Variants in LRRC3C observed in about 807,000 individuals in gnomAD.
LRRC3C encodes leucine-rich repeat-containing protein 3C.
Under a neutral mutation model 14.8 loss-of-function variants are expected in LRRC3C, and 11 were observed. That is an observed-to-expected ratio of 0.74 (90% CI 0.47 to 1.23). The LOEUF (loss-of-function observed/expected upper bound fraction) is 1.23, where lower values mean the gene tolerates loss of function less well. LRRC3C is among the 50% of genes most tolerant of loss of function. The pLI is 0.00. For synonymous variants in LRRC3C, 149 were observed against 161.5 expected (o/e 0.92, Z 0.59); for missense variants, 354 against 361.8 (o/e 0.98, Z 0.18).
At chr17:39,943,352 A>G (rs548593097) in intron 3 of LRRC3C, among the ~76,000 whole-genome samples, 11 of 152,272 alleles carry the variant, frequency 7.2e-5, no homozygotes, top group Admixed American at 6.5e-4. Flanking sequence ...GGAAGTACAG[A>G]GCAGAGAGGA....
chr17:39,939,313 C>T, intron 2 of LRRC3C: 1 of 975,978 alleles, frequency 1.0e-6, no homozygotes, highest in Non-Finnish European at 1.2e-6. Context: ...GTTATTAATA[C>T]TTATTCTCTC....
In LRRC3C at chr17:39,944,734, A is replaced by T. The variant is rs1979044448; in HGVS notation, c.828A>T (p.Ter276CysextTer1). 2.6e-6 allele frequency: 4 copies of T among 1,535,358 alleles called. No homozygotes were observed. The highest frequency in any genetic ancestry group is 2.4e-5 in the East Asian group (1 of 40,908). ...EDSSILSTVV[*>C] ...CCTCCATCCTCAGCACAGTGGTCTG[A>T]TGACCCAGGATGCTCCTCCAGCCAC... The change falls in exon 4 of 4, where the codon TGA (stop) becomes TGT (cysteine). Residue 276 changes from the stop codon to cysteine (C), a stop_lost. Coordinates refer to ENST00000377924, the MANE Select transcript of LRRC3C (RefSeq NM_001195545.2).
intron 1 of LRRC3C, among the ~76,000 whole-genome samples, chr17:39,932,057 T>G (rs1978664451): frequency 6.6e-6 from 1 of 152,174 alleles, no homozygotes; most frequent in South Asian, 2.1e-4. Context: ...ACTGGTAACA[T>G]CCTCTGGCAC....
intron 3 of LRRC3C, 88 bp from the exon 4 acceptor site, chr17:39,943,845 C>T (rs1487452445): frequency 2.9e-6 from 4 of 1,383,366 alleles, no homozygotes; most frequent in East Asian, 2.5e-5. Context: ...AAAAGACTCC[C>T]CAGAGGGACC....
chr17:39,935,861 A>T lies in LRRC3C; in HGVS notation c.-115A>T. The T allele has an allele frequency of 2.0e-6, 2 of 985,452 alleles. No homozygotes were observed. Among genetic ancestry groups the T allele is most frequent in the Non-Finnish European group, 2.4e-6 (2 of 829,944 alleles). The allele number at this position is 985,452 out of a possible 1,614,324, so 61.0% of individuals were successfully genotyped here. ...CCGCGAAACTGCCCAGTAACCTGGC[A>T]TTAGACGGGTCCCTGGCTGACCTGA... On this transcript the variant is annotated 5_prime_UTR_variant, in exon 2 of 4. Coordinates refer to ENST00000377924, the MANE Select transcript of LRRC3C (RefSeq NM_001195545.2).
rs542212829 is a variant in LRRC3C, at chr17:39,934,913, G to A, written c.-174-889G>A. Among the ~76,000 whole-genome samples, 9 of 152,248 alleles carry A rather than the reference G, an allele frequency of 5.9e-5. No individual in the cohort carries two copies. In the South Asian group the frequency reaches 1.5e-3, roughly 25 times the overall value. The stretch of plus-strand genomic sequence containing the variant: ...AGACCATTTAAGGTAACTTCCTGAC[G>A]TTGCCATGATATTTGTAAACTGTCA... On this transcript the variant is annotated intron_variant, in intron 1 of 3. Coordinates refer to ENST00000377924, the MANE Select transcript of LRRC3C (RefSeq NM_001195545.2).
At position 39,944,282 on chromosome 17, in the gene LRRC3C, C is replaced by T. The variant is rs1391529142; in HGVS notation, c.376C>T (p.Leu126=). The T allele has an allele frequency of 1.3e-6, 2 of 1,535,092 alleles. No homozygotes were observed. The highest frequency in any genetic ancestry group is 1.7e-6 in the Non-Finnish European group (2 of 1,146,536). ...AHLSGAAFQG[L]EGTLRHLDLS... ...CCTCTCAGGGGCGGCTTTCCAGGGCCTGGAGGGCACATTGCGCCACCTCGA... is the reference window on the plus strand; with the variant it reads ...CCTCTCAGGGGCGGCTTTCCAGGGCTTGGAGGGCACATTGCGCCACCTCGA... The change falls in exon 4 of 4, where the codon CTG becomes TTG. Residue 126 remains leucine, a synonymous_variant. Transcript: ENST00000377924.
At chr17:39,933,949 TG>T (rs1978728245) in intron 1 of LRRC3C, among the ~76,000 whole-genome samples, 1 of 151,978 alleles carries the variant, frequency 6.6e-6, no homozygotes, top group Non-Finnish European at 1.5e-5. Context: ...AGGCATGTGG[TG>T]GGAAGAAGGA....
At chr17:39,931,074 G>A (rs1257244075) in intron 1 of LRRC3C, among the ~76,000 whole-genome samples, 1 of 151,020 alleles carries the variant, frequency 6.6e-6, no homozygotes, top group Non-Finnish European at 1.5e-5. Flanking sequence ...CCCAGGAGGT[G>A]GAGGATGCAG....
At chr17:39,938,033 G>A (rs1032417448) in intron 2 of LRRC3C, among the ~76,000 whole-genome samples, 5 of 152,188 alleles carry the variant, frequency 3.3e-5, no homozygotes, top group African/African-American at 1.2e-4. Flanking sequence ...TTGGGAGGCT[G>A]AGGCAGGAGA....
At chr17:39,937,015 T>A (rs1433833198) in intron 2 of LRRC3C, among the ~76,000 whole-genome samples, 1 of 152,034 alleles carries the variant, frequency 6.6e-6, no homozygotes, top group African/African-American at 2.4e-5. Flanking sequence ...TGCACGCCTG[T>A]AATCCCAGCT....
intron 2 of LRRC3C, among the ~76,000 whole-genome samples, chr17:39,938,725 C>G (rs1007702692): frequency 6.6e-6 from 1 of 152,018 alleles, no homozygotes; most frequent in East Asian, 1.9e-4. Flanking sequence ...CTGGCTCACA[C>G]CTGTAATCCC....
intron 2 of LRRC3C, among the ~76,000 whole-genome samples, chr17:39,937,173 C>T (rs972994502): frequency 6.6e-6 from 1 of 151,810 alleles, no homozygotes; most frequent in African/African-American, 2.4e-5. Context: ...CAGTGGCTCA[C>T]GCCTGTAATC....
At chr17:39,935,045 G>T (rs1322482759) in intron 1 of LRRC3C, among the ~76,000 whole-genome samples, 1 of 152,186 alleles carries the variant, frequency 6.6e-6, no homozygotes. Context: ...TGGTTTATCA[G>T]CAAGGTCTTT....
At chr17:39,929,416 G>A (rs1978586313) in intron 1 of LRRC3C, 1 of 152,112 alleles carries the variant, frequency 6.6e-6, no homozygotes, top group Admixed American at 6.5e-5. Context: ...ACTCACTCTA[G>A]GTTTGTGGTA....
At chr17:39,936,733 C>T (rs1402469934) in intron 2 of LRRC3C, among the ~76,000 whole-genome samples, 2 of 151,312 alleles carry the variant, frequency 1.3e-5, no homozygotes, top group African/African-American at 2.4e-5. Flanking sequence ...GAAGGATCTC[C>T]TGAGCCTGGG....
chr17:39,931,119 G>A (rs1422791680), intron 1 of LRRC3C, among the ~76,000 whole-genome samples: 2 of 150,256 alleles, frequency 1.3e-5, no homozygotes, highest in Non-Finnish European at 2.9e-5. Context: ...TCCAGCCTGG[G>A]AGACAAGAGT....
chr17:39,936,336 A>T (rs1277113374), intron 2 of LRRC3C, among the ~76,000 whole-genome samples: 1 of 152,222 alleles, frequency 6.6e-6, no homozygotes, highest in Non-Finnish European at 1.5e-5. Flanking sequence ...GGCACTTCAC[A>T]GGCCAAGACA....
At chr17:39,932,558 A>G (rs544547903) in intron 1 of LRRC3C, among the ~76,000 whole-genome samples, 5 of 124,820 alleles carry the variant, frequency 4.0e-5, no homozygotes, top group Admixed American at 3.7e-4. Flanking sequence ...CATCTCTATA[A>G]AAAACAAAAA....
Sources: gnomAD v4.1 joint callset for allele counts (sites outside exome capture counted in the v4.1 genomes callset) on GRCh38, gnomAD v4.1.1 for gene constraint, MANE v1.5 for transcripts, NCBI Gene and HGNC (gene_info 2026-07-23, HGNC 2026-07-21) for gene names.